ANXA8: variants seen among roughly 807,000 people sequenced by gnomAD.
ANXA8 encodes the protein VAC-beta.
ANXA8 carries 9 observed loss-of-function variants against 26.8 expected under a neutral mutation model. The ratio of observed to expected loss-of-function variants is 0.34; its 90% CI spans 0.20 to 0.59. The LOEUF (loss-of-function observed/expected upper bound fraction) is 0.59. ANXA8 is among the 20% of genes least tolerant of loss of function. The probability of loss-of-function intolerance (pLI) is 0.84; values close to 1 mark genes in which losing one functional copy is unlikely to be tolerated. For missense variants in ANXA8, 83 were observed against 238.5 expected (o/e 0.35, Z 4.29); for synonymous variants, 39 against 94.8 (o/e 0.41, Z 3.42).
the ANXA8 span, among the ~76,000 whole-genome samples, chr10:47,745,389 C>T: frequency 6.7e-6 from 1 of 149,484 alleles, no homozygotes; most frequent in African/African-American, 2.5e-5. Flanking sequence ...GAGCAGGATT[C>T]CAGGTTGATT....
At chr10:47,987,375 G>T in the ANXA8 span, 1 of 329,512 alleles carries the variant, frequency 3.0e-6, no homozygotes. Context: ...CAGCAGGGTG[G>T]GCCGAGCACT....
the ANXA8 span, among the ~76,000 whole-genome samples, chr10:47,937,759 C>T: frequency 2.7e-5 from 4 of 146,430 alleles, no homozygotes; most frequent in Non-Finnish European, 4.6e-5. Flanking sequence ...AGGATAATGG[C>T]CTCCAGCTCT....
the ANXA8 span, among the ~76,000 whole-genome samples, chr10:47,684,876 G>A: frequency 2.7e-5 from 4 of 149,606 alleles, no homozygotes; most frequent in South Asian, 2.1e-4. Flanking sequence ...ATGAGCCACC[G>A]CGCCCAGCCT....
At chr10:47,746,963 C>T in the ANXA8 span, among the ~76,000 whole-genome samples, 1 of 125,256 alleles carries the variant, frequency 8.0e-6, no homozygotes, top group African/African-American at 3.0e-5. Context: ...CTGCTTGAGG[C>T]AGACCAACAC....
At chr10:47,590,033 C>G in the ANXA8 span, 5 of 146,090 alleles carry the variant, frequency 3.4e-5, no homozygotes, top group Non-Finnish European at 5.9e-5. Context: ...AACCCCATTC[C>G]CCCCTGACAG....
chr10:47,751,147 G>T, the ANXA8 span: 2 of 151,920 alleles, frequency 1.3e-5, no homozygotes, highest in African/African-American at 4.8e-5. Context: ...CCACCCCTGA[G>T]ATTGAGGATG....
chr10:47,982,471 TA>T, the ANXA8 span, among the ~76,000 whole-genome samples: 3 of 145,904 alleles, frequency 2.1e-5, no homozygotes, highest in East Asian at 2.1e-4. Context: ...TCAAGAGGAT[TA>T]AAAAAAAGCC....
At chr10:47,567,193 T>A in the ANXA8 span, among the ~76,000 whole-genome samples, 1 of 112,718 alleles carries the variant, frequency 8.9e-6, no homozygotes, top group South Asian at 3.2e-4. Context: ...TCAAGGCAGA[T>A]AAAGCCCCCT....
the ANXA8 span, chr10:47,553,252 C>T: frequency 6.6e-6 from 1 of 152,108 alleles, no homozygotes; most frequent in Admixed American, 6.6e-5. Context: ...AACGACGTCT[C>T]CCCGACACCT....
chr10:47,502,749 G>A, the ANXA8 span: 7 of 1,591,170 alleles, frequency 4.4e-6, no homozygotes, highest in East Asian at 1.4e-4. Context: ...CCTCACTCTG[G>A]CTGGTCAGCT....
the ANXA8 span, among the ~76,000 whole-genome samples, chr10:47,492,894 C>A: frequency 6.6e-6 from 1 of 150,452 alleles, no homozygotes; most frequent in Non-Finnish European, 1.5e-5. Flanking sequence ...GCTCTCTCCC[C>A]AATGCAGGCT....
At chr10:47,907,359 A>G in the ANXA8 span, among the ~76,000 whole-genome samples, 2 of 151,846 alleles carry the variant, frequency 1.3e-5, no homozygotes, top group East Asian at 3.9e-4. Flanking sequence ...TCCGTCTCAA[A>G]TTAAAGAAAA....
chr10:47,771,952 A>C, the ANXA8 span, among the ~76,000 whole-genome samples: 1 of 151,570 alleles, frequency 6.6e-6, no homozygotes, highest in Non-Finnish European at 1.5e-5. Context: ...CTGACTAAAT[A>C]AGCCTAAATA....
the ANXA8 span, among the ~76,000 whole-genome samples, chr10:47,954,052 A>G: frequency 2.0e-5 from 3 of 150,964 alleles, no homozygotes; most frequent in African/African-American, 7.4e-5. Flanking sequence ...AAATACCCAA[A>G]AGAAAGGAAA....
chr10:47,743,372 A>G, the ANXA8 span, among the ~76,000 whole-genome samples: 4 of 22,060 alleles, frequency 1.8e-4, no homozygotes, highest in Non-Finnish European at 3.0e-4. Flanking sequence ...ATATATATAC[A>G]TATATATGTG....
At chr10:47,735,826 G>GA in the ANXA8 span, among the ~76,000 whole-genome samples, 23 of 149,712 alleles carry the variant, frequency 1.5e-4, no homozygotes, top group African/African-American at 5.7e-4. Context: ...ATTTTTTGTA[G>GA]AGACATGTTT....
chr10:47,675,347 C>G, the ANXA8 span, among the ~76,000 whole-genome samples: 1 of 150,598 alleles, frequency 6.6e-6, no homozygotes, highest in Non-Finnish European at 1.5e-5. Context: ...AATCTGTCTC[C>G]TACCATCAGC....
the ANXA8 span, chr10:47,565,919 G>C: frequency 6.3e-5 from 92 of 1,466,304 alleles, 2 homozygotes; most frequent in African/African-American, 1.2e-3. Context: ...GATGGAGTTC[G>C]AGGAGGGCAT....
the ANXA8 span, chr10:47,720,148 G>T: frequency 5.5e-6 from 7 of 1,280,518 alleles, 1 homozygote; most frequent in East Asian, 2.3e-4. Flanking sequence ...TTTCTAAAAA[G>T]AATTAACTAG....
Sources: gnomAD v4.1 joint callset for allele counts (sites outside exome capture counted in the v4.1 genomes callset) on GRCh38, gnomAD v4.1.1 for gene constraint, MANE v1.5 for transcripts, NCBI Gene and HGNC (gene_info 2026-07-23, HGNC 2026-07-21) for gene names.